The following MAP3K13 variants were observed in gnomAD, a reference collection of about 807,000 sequenced individuals.
MAP3K13 encodes leucine zipper-bearing kinase.
Under a neutral mutation model 104.0 loss-of-function variants are expected in MAP3K13, and 52 were observed. That is an observed-to-expected ratio of 0.50 (90% CI 0.40 to 0.63). MAP3K13 has a LOEUF of 0.63. Among genes scored for constraint, MAP3K13 ranks in the 20% least tolerant of loss-of-function variants. The pLI is 0.00. For synonymous variants in MAP3K13, 394 were observed against 442.2 expected, an observed-to-expected ratio of 0.89 and a Z score of 1.37; for missense variants, 914 against 1,218.5, an observed-to-expected ratio of 0.75 and a Z score of 3.72.
intron 1 of MAP3K13, among the ~76,000 whole-genome samples, chr3:185,380,947 TG>T (rs199503581): frequency 0.13 from 18,269 of 140,524 alleles, 1,180 homozygotes; most frequent in Non-Finnish European, 0.17. Flanking sequence ...AAGGTTTTTT[TG>T]TTTTTTTTTT....
At chr3:185,445,481 A>C (rs1715543182) in intron 4 of MAP3K13, among the ~76,000 whole-genome samples, 1 of 152,198 alleles carries the variant, frequency 6.6e-6, no homozygotes, top group African/African-American at 2.4e-5. Context: ...CATCCAGTGC[A>C]TACATGTAAA....
chr3:185,326,398 C>T (rs917502251), intron 2 of MAP3K13, among the ~76,000 whole-genome samples: 2 of 152,084 alleles, frequency 1.3e-5, no homozygotes. Flanking sequence ...GCACCTCTGC[C>T]CTGGAGCAGC....
chr3:185,380,744 T>A (rs1455695504), intron 1 of MAP3K13, among the ~76,000 whole-genome samples: 1 of 152,162 alleles, frequency 6.6e-6, no homozygotes, highest in Non-Finnish European at 1.5e-5. Context: ...TGGCCTGGAA[T>A]GATTTTTGTC....
chr3:185,312,641 T>A (rs6444048), intron 2 of MAP3K13, among the ~76,000 whole-genome samples: 102,540 of 151,852 alleles, frequency 0.68, 36,176 homozygotes, highest in Non-Finnish European at 0.78. Flanking sequence ...ATATGAGATA[T>A]CAATTGTGGA....
chr3:185,338,118 C>T (rs910420701), intron 2 of MAP3K13, among the ~76,000 whole-genome samples: 2 of 151,994 alleles, frequency 1.3e-5, no homozygotes, highest in African/African-American at 4.8e-5. Flanking sequence ...AACTTGAGCC[C>T]AGGAGTTCGA....
chr3:185,382,821 C>T (rs971752661), intron 1 of MAP3K13, among the ~76,000 whole-genome samples: 2 of 151,992 alleles, frequency 1.3e-5, no homozygotes, highest in African/African-American at 2.4e-5. Context: ...CTGGCTAACA[C>T]GGTGAAACCC....
intron 2 of MAP3K13, among the ~76,000 whole-genome samples, chr3:185,345,016 C>T (rs1002215188): frequency 2.6e-5 from 4 of 152,082 alleles, no homozygotes; most frequent in African/African-American, 7.2e-5. Context: ...GCATGCGCCA[C>T]CATGCCCAGC....
At chr3:185,419,539 A>G (rs1714001765) in intron 1 of MAP3K13, among the ~76,000 whole-genome samples, 1 of 152,238 alleles carries the variant, frequency 6.6e-6, no homozygotes, top group African/African-American at 2.4e-5. Flanking sequence ...CAACAGTAAT[A>G]ACCACTGTTG....
chr3:185,293,243 G>C lies in MAP3K13; in HGVS notation c.-86+7600G>C, dbSNP rs534683496. On this transcript the variant is annotated intron_variant, in intron 2 of 14. Coordinates refer to the MAP3K13 transcript ENST00000424227. ...AGCGATTCTCCTGCCTCAGCCTCCC[G>C]AGTAGCTGGGACTACAGGCACTCGC... 1.1e-4 allele frequency among the ~76,000 whole-genome samples: 16 copies of C among 151,006 alleles called. No individual in the cohort carries two copies. In the East Asian group the frequency reaches 2.9e-3, roughly 28 times the overall value.
intron 2 of MAP3K13, among the ~76,000 whole-genome samples, chr3:185,436,074 G>T (rs1271842256): frequency 6.6e-6 from 1 of 152,156 alleles, no homozygotes; most frequent in Non-Finnish European, 1.5e-5. Flanking sequence ...TAAGAAGGGG[G>T]AAAGGAGAAG....
intron 4 of MAP3K13, among the ~76,000 whole-genome samples, chr3:185,446,191 G>C (rs1392972990): frequency 6.6e-6 from 1 of 152,124 alleles, no homozygotes; most frequent in Non-Finnish European, 1.5e-5. Context: ...CAAGGGGATA[G>C]AGTCAGATGC....
At chr3:185,311,137 C>G (rs1292864225) in intron 2 of MAP3K13, among the ~76,000 whole-genome samples, 1 of 152,134 alleles carries the variant, frequency 6.6e-6, no homozygotes, top group Non-Finnish European at 1.5e-5. Flanking sequence ...GTCATAGTAG[C>G]CTTTGTTTCC....
chr3:185,464,798 G>A (rs1717314685), intron 8 of MAP3K13, among the ~76,000 whole-genome samples: 1 of 152,170 alleles, frequency 6.6e-6, no homozygotes, highest in Non-Finnish European at 1.5e-5. Flanking sequence ...GAGCTGAGAA[G>A]TCCATAATCA....
chr3:185,373,822 G>A (rs996929297), intron 1 of MAP3K13, among the ~76,000 whole-genome samples: 5 of 112,520 alleles, frequency 4.4e-5, no homozygotes, highest in African/African-American at 1.2e-4. Context: ...CAGTGAAAAG[G>A]ATTTTTTTTT....
chr3:185,401,485 C>T (rs891779627), intron 1 of MAP3K13, among the ~76,000 whole-genome samples: 14 of 152,226 alleles, frequency 9.2e-5, no homozygotes, highest in Admixed American at 5.9e-4. Flanking sequence ...GGAATCTCCT[C>T]GGGGAGCTTC....
At chr3:185,309,593 C>T (rs192296277) in intron 2 of MAP3K13, among the ~76,000 whole-genome samples, 8 of 151,890 alleles carry the variant, frequency 5.3e-5, no homozygotes, top group Admixed American at 1.3e-4. Flanking sequence ...CACTCTTTAG[C>T]GATACATAAT....
At chr3:185,468,849 G>A (rs1717610874) in intron 10 of MAP3K13, among the ~76,000 whole-genome samples, 1 of 152,174 alleles carries the variant, frequency 6.6e-6, no homozygotes, top group South Asian at 2.1e-4. Context: ...GTACTAATTA[G>A]GGACAGAGTC....
intron 2 of MAP3K13, chr3:185,293,040 C>T: frequency 8.1e-6 from 8 of 984,968 alleles, no homozygotes; most frequent in Non-Finnish European, 9.6e-6. Context: ...CGTGTGTGTA[C>T]TTGGTCATTA....
chr3:185,332,235 C>CTG (rs1722314142), intron 2 of MAP3K13, among the ~76,000 whole-genome samples: 2 of 151,146 alleles, frequency 1.3e-5, no homozygotes, highest in South Asian at 2.1e-4. Context: ...CTCCCCCCCC[C>CTG]CATTATAAGA....
Sources: allele counts gnomAD v4.1 joint callset (sites outside exome capture counted in the v4.1 genomes callset), GRCh38; gene constraint gnomAD v4.1.1; transcripts MANE v1.5; gene names NCBI Gene and HGNC (gene_info 2026-07-23, HGNC 2026-07-21).